The following PLEKHD1 variants were observed in gnomAD, a reference collection of about 807,000 sequenced individuals.
The protein encoded by PLEKHD1 is pleckstrin homology and coiled-coil domain containing D1.
In PLEKHD1, 51 loss-of-function variants were observed where a neutral mutation model predicts 69.2. The ratio of observed to expected loss-of-function variants is 0.74; its 90% CI spans 0.59 to 0.93. PLEKHD1 has a LOEUF of 0.93. Among genes scored for constraint, PLEKHD1 ranks in the 40% least tolerant of loss-of-function variants. The pLI is 0.00. For synonymous variants in PLEKHD1, 236 were observed against 244.7 expected, an observed-to-expected ratio of 0.96 and a Z score of 0.33; for missense variants, 584 against 641.0, an observed-to-expected ratio of 0.91 and a Z score of 0.96.
intron 6 of PLEKHD1, among the ~76,000 whole-genome samples, chr14:69,520,884 T>G (rs767053503): frequency 3.3e-5 from 5 of 152,370 alleles, no homozygotes; most frequent in Non-Finnish European, 5.9e-5. Flanking sequence ...ACTTCTGCTC[T>G]CATTCCATTG....
chr14:69,493,350 G>A (rs1333558381), intron 1 of PLEKHD1, among the ~76,000 whole-genome samples: 1 of 152,230 alleles, frequency 6.6e-6, no homozygotes, highest in East Asian at 1.9e-4. Context: ...GGCTTTGTCA[G>A]CAGAAATAAC....
upstream of PLEKHD1, among the ~76,000 whole-genome samples, chr14:69,480,704 G>A (rs1484428631): frequency 3.3e-5 from 5 of 151,972 alleles, no homozygotes; most frequent in Admixed American, 2.6e-4. Context: ...CCAGGCTGGA[G>A]TGCAATGGCA....
intron 1 of PLEKHD1, among the ~76,000 whole-genome samples, chr14:69,499,304 A>T (rs1228557903): frequency 6.6e-6 from 1 of 151,846 alleles, no homozygotes; most frequent in African/African-American, 2.4e-5. Context: ...CATTCTGCTC[A>T]CACCCCGTCA....
At chr14:69,491,348 G>A (rs940176140) in intron 1 of PLEKHD1, among the ~76,000 whole-genome samples, 3 of 152,276 alleles carry the variant, frequency 2.0e-5, no homozygotes, top group Admixed American at 6.5e-5. Context: ...CAAATTGAGC[G>A]TTAGGTCTCT....
upstream of PLEKHD1, among the ~76,000 whole-genome samples, chr14:69,480,406 A>C (rs577140368): frequency 6.6e-6 from 1 of 152,336 alleles, no homozygotes; most frequent in Non-Finnish European, 1.5e-5. Context: ...TTCACTTGGC[A>C]CAAGCCTGGA....
In PLEKHD1 at chr14:69,501,724, C is replaced by A. The variant is rs377404780; in HGVS notation, c.411-10C>A. On this transcript the variant is annotated splice_polypyrimidine_tract_variant and intron_variant, in intron 4 of 12. Coordinates refer to ENST00000322564, the MANE Select transcript of PLEKHD1 (RefSeq NM_001161498.2). ...TTCTCTCCTCTGTCCCATCTGCCCT[C>A]CCTCCCCAGGACCTGGAAGAATGCC... 4.5e-5 allele frequency: 70 copies of A among 1,546,792 alleles called. No individual in the cohort carries two copies. The African/African-American group carries it at 7.9e-4, about 18-fold the overall frequency.
At position 69,525,932 on chromosome 14, in the gene PLEKHD1, C is replaced by T. The variant is rs1883635051; in HGVS notation, c.745-12C>T. The T allele has an allele frequency of 1.9e-6, 3 of 1,541,258 alleles. No individual in the cohort carries two copies. Among genetic ancestry groups the T allele is most frequent in the Admixed American group, 2.1e-5 (1 of 48,314 alleles). ...ATTGGGCTTTTCTTTTCCTTGCCTCCCTCCATGCCAGGAACTCTCCATAGA... is the reference window on the plus strand; with the variant it reads ...ATTGGGCTTTTCTTTTCCTTGCCTCTCTCCATGCCAGGAACTCTCCATAGA... On this transcript the variant is annotated splice_polypyrimidine_tract_variant and intron_variant, in intron 8 of 12. Transcript: ENST00000322564.
At chr14:69,523,847 C>T (rs563659731) in intron 7 of PLEKHD1, among the ~76,000 whole-genome samples, 26 of 152,284 alleles carry the variant, frequency 1.7e-4, no homozygotes, top group Non-Finnish European at 2.8e-4. Flanking sequence ...TTGTTACTAA[C>T]CCAAAGAGGG....
At chr14:69,519,305 G>A (rs1478803381) in intron 6 of PLEKHD1, among the ~76,000 whole-genome samples, 1 of 152,038 alleles carries the variant, frequency 6.6e-6, no homozygotes, top group Non-Finnish European at 1.5e-5. Context: ...GGGCTGTCAC[G>A]AGAGCCAGTC....
At chr14:69,500,010 G>T in intron 1 of PLEKHD1, 105 bp from the exon 2 acceptor site, 1 of 733,246 alleles carries the variant, frequency 1.4e-6, no homozygotes, top group South Asian at 1.8e-5. Context: ...TGGTGTCCCT[G>T]TGGGCTCCCA....
chr14:69,507,080 C>T (rs1241643847), intron 6 of PLEKHD1, among the ~76,000 whole-genome samples: 4 of 151,694 alleles, frequency 2.6e-5, no homozygotes, highest in Non-Finnish European at 4.4e-5. Flanking sequence ...TTAGAAGAGA[C>T]GGGGCTTCAC....
upstream of PLEKHD1, among the ~76,000 whole-genome samples, chr14:69,482,903 A>AG (rs1423128173): frequency 1.5e-5 from 2 of 130,566 alleles, no homozygotes; most frequent in Non-Finnish European, 3.5e-5. Context: ...TAAAAAAAAA[A>AG]AAAGAAAGAA....
intron 11 of PLEKHD1, 44 bp downstream of exon 11, chr14:69,527,376 G>A (rs1023700496): frequency 1.9e-6 from 3 of 1,550,034 alleles, no homozygotes; most frequent in Non-Finnish European, 2.6e-6. Flanking sequence ...TTGGCACTCA[G>A]CCCCAGATGG....
chr14:69,508,263 G>A (rs139700570), intron 6 of PLEKHD1, among the ~76,000 whole-genome samples: 4,520 of 152,056 alleles, frequency 0.03, 145 homozygotes, highest in South Asian at 0.17. Context: ...AAAATTAGCC[G>A]GGGGTGGTGA....
intron 1 of PLEKHD1, among the ~76,000 whole-genome samples, chr14:69,499,692 T>G (rs974804077): frequency 7.9e-5 from 12 of 152,242 alleles, no homozygotes; most frequent in African/African-American, 2.9e-4. Context: ...GCTTTCATGT[T>G]ACTTGCCAAA....
chr14:69,503,083 C>A, intron 6 of PLEKHD1: 2 of 587,066 alleles, frequency 3.4e-6, no homozygotes, highest in Non-Finnish European at 6.1e-6. Flanking sequence ...CCTTACCAAC[C>A]CCTGGGAGTA....
At position 69,501,645 on chromosome 14, in the gene PLEKHD1, T is replaced by C. The variant is rs376386198; in HGVS notation, c.411-89T>C. The C allele has an allele frequency of 4.2e-4, 414 of 991,808 alleles. 3 individuals carry two copies. In the South Asian group the frequency reaches 4.6e-3, roughly 11 times the overall value. The allele number at this position is 991,808 out of a possible 1,614,324, so 61.4% of individuals were successfully genotyped here. On this transcript the variant is annotated intron_variant, in intron 4 of 12. Transcript: ENST00000322564. ...AAAGGGTGGGCGAGTACAAAACGTA[T>C]GCCTTCTCTTTCCCCTCTACCCTTC...
At chr14:69,481,312 C>A (rs1594968772), upstream of PLEKHD1, among the ~76,000 whole-genome samples, 1 of 152,108 alleles carries the variant, frequency 6.6e-6, no homozygotes, top group East Asian at 1.9e-4. Flanking sequence ...CAGAGTGATA[C>A]CCTGTCTCTA....
intron 6 of PLEKHD1, among the ~76,000 whole-genome samples, chr14:69,509,569 G>A (rs570564831): frequency 6.6e-6 from 1 of 151,740 alleles, no homozygotes; most frequent in African/African-American, 2.4e-5. Context: ...TGTGAAAAGT[G>A]TTTAAGGTCT....
Sources: allele counts gnomAD v4.1 joint callset (sites outside exome capture counted in the v4.1 genomes callset), GRCh38; gene constraint gnomAD v4.1.1; transcripts MANE v1.5; gene names NCBI Gene and HGNC (gene_info 2026-07-23, HGNC 2026-07-21).